The following SCARB2 variants were observed in gnomAD, a reference collection of about 807,000 sequenced individuals.
SCARB2 encodes lysosome membrane protein 2.
In SCARB2, 29 loss-of-function variants were observed where a neutral mutation model predicts 58.6. The ratio of observed to expected loss-of-function variants is 0.49; its 90% CI spans 0.37 to 0.67. The LOEUF (loss-of-function observed/expected upper bound fraction) is 0.67, where lower values mean the gene tolerates loss of function less well. Ranked by LOEUF, SCARB2 falls within the 30% of genes least tolerant of loss-of-function variation. The pLI, the probability that SCARB2 is intolerant of heterozygous loss-of-function variation, is 0.00. For synonymous variants in SCARB2, 195 were observed against 210.1 expected, an observed-to-expected ratio of 0.93 and a Z score of 0.62; for missense variants, 488 against 578.5, an observed-to-expected ratio of 0.84 and a Z score of 1.60.
At chr4:76,179,822 A>T in intron 3 of SCARB2, 117 bp from the exon 4 acceptor site, 1 of 843,698 alleles carries the variant, frequency 1.2e-6, no homozygotes, top group Admixed American at 1.7e-5. Flanking sequence ...GTTGAGATTA[A>T]ATAGCTGAAA....
In SCARB2 at chr4:76,179,687, G is replaced by T. The variant is rs760975127; in HGVS notation, c.442C>A (p.Gln148Lys). The stretch of plus-strand genomic sequence containing the variant: ...ATGATCTCCCTGAGGAAGTGCACCT[G>T]GGACCACTCTATGACAGTCTGCGGA... ...IPVLTVIEWS[Q>K]VHFLREIIEA... is the part of the protein sequence containing the mutation. The change falls in exon 4 of 12, where the codon CAG becomes AAG. Residue 148 changes from glutamine (Q) to lysine (K), a missense_variant. Coordinates refer to ENST00000264896, the MANE Select transcript of SCARB2 (RefSeq NM_005506.4). 1.1e-5 allele frequency: 17 copies of T among 1,613,786 alleles called. No individual in the cohort carries two copies. The highest frequency in any genetic ancestry group is 1.4e-5 in the Non-Finnish European group (17 of 1,179,856).
chr4:76,213,299 G>T (rs180916045), intron 1 of SCARB2, 128 bp downstream of exon 1: 344 of 733,302 alleles, frequency 4.7e-4, no homozygotes, highest in Non-Finnish European at 5.9e-4. Context: ...GGAAGACAGG[G>T]ACGCAAGAAG....
intron 2 of SCARB2, chr4:76,193,244 T>C (rs886789108): frequency 1.3e-5 from 2 of 152,316 alleles, no homozygotes; most frequent in African/African-American, 2.4e-5. Context: ...TGAAGGAAGC[T>C]TGGCATCCTC....
rs1733028021 is a variant in SCARB2 at position 76,210,755 on chromosome 4, CAAAAT to C, written c.117+2667_117+2671del. ...GGTTCCTTCCACGATATTCACTGGC[CAAAAT>C]TAAAAGTCTCTCTTCAGTTACCTCT... On this transcript the variant is annotated intron_variant, in intron 1 of 11. Transcript: ENST00000264896. Among the ~76,000 whole-genome samples the C allele has an allele frequency of 2.0e-5, 3 of 152,256 alleles. No homozygotes were observed. The South Asian group carries it at 6.2e-4, about 32-fold the overall frequency.
intron 2 of SCARB2, chr4:76,194,860 G>A (rs1732679054): frequency 6.6e-6 from 1 of 151,990 alleles, no homozygotes; most frequent in Non-Finnish European, 1.5e-5. Context: ...ATGATTAAAG[G>A]GATCCTGATT....
At chr4:76,223,383 C>T (rs947568945) in intron 1 of SCARB2, among the ~76,000 whole-genome samples, 6 of 152,100 alleles carry the variant, frequency 3.9e-5, no homozygotes, top group African/African-American at 1.4e-4. Flanking sequence ...TTATTGGGTC[C>T]TACTTAGCCA....
intron 1 of SCARB2, among the ~76,000 whole-genome samples, chr4:76,205,523 T>C (rs1290558852): frequency 3.3e-5 from 5 of 152,204 alleles, no homozygotes; most frequent in Admixed American, 1.3e-4. Context: ...CAAAACATCA[T>C]GTTGCATGCC....
upstream of SCARB2, among the ~76,000 whole-genome samples, chr4:76,216,721 C>A (rs1052420395): frequency 8.5e-5 from 13 of 152,218 alleles, no homozygotes; most frequent in African/African-American, 2.9e-4. Context: ...TAGTAAGCCA[C>A]TTCCCCTTTA....
In SCARB2 at chr4:76,213,440, T is replaced by C; in HGVS notation, c.104A>G (p.Gln35Arg). 6.2e-7 allele frequency: 1 copy of C among 1,609,598 alleles called. No homozygotes were observed. The highest frequency in any genetic ancestry group is 1.7e-5 in the Admixed American group (1 of 59,638). ...GCCCCGCCTCACCTTCTCGATACTC[T>C]GGTCTACAGCCTTCTGGAAGACCCG... Reference protein sequence around the residue: ...VARVFQKAVDQSIEKKIVLRN... With the variant: ...VARVFQKAVDRSIEKKIVLRN... Residue 35 changes from glutamine (Q) to arginine (R), a missense_variant, in exon 1 of 12, where the codon CAG becomes CGG. Coordinates refer to ENST00000264896, the MANE Select transcript of SCARB2 (RefSeq NM_005506.4).
chr4:76,212,887 C>A (rs1021458186), intron 1 of SCARB2, among the ~76,000 whole-genome samples: 4 of 152,214 alleles, frequency 2.6e-5, no homozygotes, highest in African/African-American at 9.6e-5. Flanking sequence ...AGTCAGCGTT[C>A]AGCAAAGACT....
intron 2 of SCARB2, among the ~76,000 whole-genome samples, chr4:76,181,864 T>A (rs1037458252): frequency 6.6e-6 from 1 of 152,122 alleles, no homozygotes; most frequent in African/African-American, 2.4e-5. Context: ...CCACACCCGG[T>A]CTCTGTTTCT....
rs768106984 is a variant in SCARB2, at chr4:76,174,155, ATGC to A, written c.980_982del (p.Ser327del). On this transcript the variant is annotated inframe_deletion, in exon 7 of 12. Transcript: ENST00000264896. Reference sequence around the variant, plus strand: ...CTCTGAGTTCTTACCATTCTTGCAGATGCTGACATTCAGAACTCCTGAGCCCAG... The same window carrying A: ...CTCTGAGTTCTTACCATTCTTGCAGATGACATTCAGAACTCCTGAGCCCAG... The A allele has an allele frequency of 6.2e-7, 1 of 1,613,882 alleles. No individual in the cohort carries two copies. Among genetic ancestry groups the A allele is most frequent in the Non-Finnish European group, 8.5e-7 (1 of 1,180,034 alleles).
intron 1 of SCARB2, among the ~76,000 whole-genome samples, chr4:76,211,344 T>C (rs1194194808): frequency 7.7e-6 from 1 of 129,090 alleles, no homozygotes; most frequent in African/African-American, 3.2e-5. Context: ...AGCAATGAAA[T>C]TGAGGACCAA....
At chr4:76,195,580 A>G in intron 2 of SCARB2, 127 bp downstream of exon 2, 1 of 799,210 alleles carries the variant, frequency 1.3e-6, no homozygotes, top group Non-Finnish European at 2.1e-6. Flanking sequence ...GCAGCGTTTC[A>G]GACAATGAAA....
chr4:76,187,596 G>A (rs1732514183), intron 2 of SCARB2, among the ~76,000 whole-genome samples: 1 of 152,148 alleles, frequency 6.6e-6, no homozygotes, highest in African/African-American at 2.4e-5. Flanking sequence ...AACATTAGGT[G>A]AATAAAAAAT....
In SCARB2 at chr4:76,160,682, G is replaced by GAA. The variant is rs200606929; in HGVS notation, c.*1030_*1031insTT. On this transcript the variant is annotated 3_prime_UTR_variant, in exon 12 of 12. Transcript: ENST00000264896. ...AAAAGAACTTCAAAATTACCAAGAAGGCGGCTGTCCCAGAAGAAATATCTC... is the reference window on the plus strand; with the variant it reads ...AAAAGAACTTCAAAATTACCAAGAAGAAGCGGCTGTCCCAGAAGAAATATCTC... 3.3e-5 allele frequency: 5 copies of GAA among 151,550 alleles called. No homozygotes were observed. In the South Asian group the frequency reaches 8.3e-4, roughly 25 times the overall value. 9.4% of individuals were successfully genotyped at this position (151,550 alleles called of 1,614,324 possible).
At chr4:76,179,952 T>A in intron 3 of SCARB2, 1 of 539,962 alleles carries the variant, frequency 1.9e-6, no homozygotes. Flanking sequence ...AGGCTCTGAG[T>A]TATCCAGACA....
chr4:76,216,335 T>C (rs1258218266), upstream of SCARB2, among the ~76,000 whole-genome samples: 1 of 152,164 alleles, frequency 6.6e-6, no homozygotes, highest in East Asian at 1.9e-4. Flanking sequence ...ATTTGGTAAC[T>C]TGCCTGCCTA....
intron 1 of SCARB2, among the ~76,000 whole-genome samples, chr4:76,225,706 T>C (rs952054273): frequency 1.3e-5 from 2 of 152,256 alleles, no homozygotes; most frequent in Admixed American, 6.5e-5. Context: ...CTTGCGTAAG[T>C]TAAACCACCC....
Sources: allele counts gnomAD v4.1 joint callset (sites outside exome capture counted in the v4.1 genomes callset), GRCh38; gene constraint gnomAD v4.1.1; transcripts MANE v1.5; gene names NCBI Gene and HGNC (gene_info 2026-07-23, HGNC 2026-07-21).